The following LAMB4 variants were observed in gnomAD, a reference collection of about 807,000 sequenced individuals.
The protein encoded by LAMB4 is laminin subunit beta-4.
LAMB4 carries 196 observed loss-of-function variants against 199.2 expected under a neutral mutation model. The ratio of observed to expected loss-of-function variants is 0.98; its 90% CI spans 0.88 to 1.11. LAMB4 has a LOEUF of 1.11. LAMB4 is among the 50% of genes least tolerant of loss of function. LAMB4 has a pLI of 0.00. For synonymous variants in LAMB4, 744 were observed against 770.6 expected (o/e 0.97, Z 0.57); for missense variants, 2,080 against 2,171.2 (o/e 0.96, Z 0.83).
intron 1 of LAMB4, among the ~76,000 whole-genome samples, chr7:108,129,644 C>T (rs1171681326): frequency 6.6e-6 from 1 of 151,772 alleles, no homozygotes; most frequent in Admixed American, 6.6e-5. Flanking sequence ...CTTAAGCAGT[C>T]CTTCCATCTC....
At chr7:108,103,265 C>A in intron 9 of LAMB4, 33 bp from the exon 10 acceptor site, 2 of 1,510,236 alleles carry the variant, frequency 1.3e-6, no homozygotes, top group East Asian at 2.5e-5. Context: ...GAGAGGTAGA[C>A]TAAGGCCTCG....
chr7:108,026,689 A>T, intron 33 of LAMB4: 1 of 244,188 alleles, frequency 4.1e-6, no homozygotes, highest in Non-Finnish European at 8.2e-6. Flanking sequence ...TGGGACCCCG[A>T]CTGACACCAA....
At chr7:108,020,972 T>C (rs2034680443), downstream of LAMB4, among the ~76,000 whole-genome samples, 1 of 152,144 alleles carries the variant, frequency 6.6e-6, no homozygotes, top group African/African-American at 2.4e-5. Context: ...AACAGATGGA[T>C]GTGACTAGGA....
At chr7:108,057,968 T>C (rs760339909) in intron 23 of LAMB4, 40 bp from the exon 24 acceptor site, 6 of 1,374,278 alleles carry the variant, frequency 4.4e-6, no homozygotes, top group Non-Finnish European at 6.2e-6. Flanking sequence ...ACAAGTTTTA[T>C]GGTCTAAAAA....
In LAMB4 at chr7:108,063,814, C is replaced by A. The variant is rs139142001; in HGVS notation, c.3008G>T (p.Cys1003Phe). The A allele has an allele frequency of 3.7e-6, 6 of 1,614,206 alleles. No homozygotes were observed. Among genetic ancestry groups the A allele is most frequent in the Non-Finnish European group, 4.2e-6 (5 of 1,180,030 alleles). Residue 1003 changes from cysteine to phenylalanine, a missense_variant, in exon 22 of 34, where the codon TGC (cysteine) becomes TTC (phenylalanine). Coordinates refer to ENST00000388781, the MANE Select transcript of LAMB4 (RefSeq NM_007356.3). ...ATAGTGACCTGGTTTGCAGAGCTGG[C>A]AGTTTGCGCCCTGAGTGTTGTGCAA... ...RCLHNTQGAN[C>F]QLCKPGHYGS...
intron 14 of LAMB4, among the ~76,000 whole-genome samples, 175 bp from the exon 15 acceptor site, chr7:108,079,961 T>C (rs186114805): frequency 1.3e-5 from 2 of 152,208 alleles, no homozygotes; most frequent in Non-Finnish European, 2.9e-5. Flanking sequence ...CTGAGAATAA[T>C]GTGCTAATAC....
chr7:108,044,805 T>G (rs1383862059), intron 28 of LAMB4, among the ~76,000 whole-genome samples: 6 of 151,596 alleles, frequency 4.0e-5, no homozygotes, highest in Non-Finnish European at 5.9e-5. Context: ...ATGCCAAAAT[T>G]AGCCAGGCAT....
intron 33 of LAMB4, 86 bp downstream of exon 33, chr7:108,028,957 A>AG: frequency 7.7e-7 from 1 of 1,300,016 alleles, no homozygotes; most frequent in Non-Finnish European, 1.1e-6. Context: ...TAAAACTGTA[A>AG]GCTGACATTG....
At chr7:108,081,859 CTGT>C (rs1010427271) in intron 14 of LAMB4, among the ~76,000 whole-genome samples, 3 of 152,248 alleles carry the variant, frequency 2.0e-5, no homozygotes, top group Non-Finnish European at 4.4e-5. Flanking sequence ...AAATGGGTGG[CTGT>C]TGTTGAATGT....
At chr7:108,071,443 C>T (rs1158986437) in intron 17 of LAMB4, among the ~76,000 whole-genome samples, 2 of 152,162 alleles carry the variant, frequency 1.3e-5, no homozygotes, top group Non-Finnish European at 2.9e-5. Context: ...CTCCTGTGCA[C>T]CTGTCAGTCG....
chr7:108,050,661 A>G (rs750389981), intron 26 of LAMB4, among the ~76,000 whole-genome samples: 15 of 152,148 alleles, frequency 9.9e-5, no homozygotes, highest in Admixed American at 2.0e-4. Flanking sequence ...AGACAACCAC[A>G]CCTTATCTTT....
intron 29 of LAMB4, 36 bp from the exon 30 acceptor site, chr7:108,037,631 T>C: frequency 6.7e-7 from 1 of 1,485,224 alleles, no homozygotes; most frequent in Non-Finnish European, 9.4e-7. Flanking sequence ...TAATCATGTC[T>C]CCTTAACAAA....
At chr7:108,105,744 T>C in intron 8 of LAMB4, 73 bp downstream of exon 8, 2 of 1,264,440 alleles carry the variant, frequency 1.6e-6, no homozygotes, top group Non-Finnish European at 2.3e-6. Context: ...GTGGAGTGTC[T>C]CATCTATATA....
intron 14 of LAMB4, among the ~76,000 whole-genome samples, chr7:108,086,848 G>A (rs530630482): frequency 5.1e-4 from 78 of 152,206 alleles, no homozygotes; most frequent in Admixed American, 9.2e-4. Flanking sequence ...TCAGATTCCC[G>A]GATGTGGTAT....
the LAMB4 span, among the ~76,000 whole-genome samples, chr7:108,015,425 G>A: frequency 6.6e-6 from 1 of 152,150 alleles, no homozygotes. Flanking sequence ...TCGCAGTGAG[G>A]TGCTACCTTT....
In LAMB4 at chr7:108,066,410, G is replaced by A; in HGVS notation, c.2637C>T (p.Cys879=). Residue 879 remains cysteine, a synonymous_variant, in exon 20 of 34, where the codon TGC becomes TGT. Coordinates refer to ENST00000388781, the MANE Select transcript of LAMB4 (RefSeq NM_007356.3). ...CAGTTGTAAAGCCTCCACAATTGAA[G>A]CATGACCCTGTCTCAGGATCACAAA... The part of the protein sequence containing the change: ...AELCDPETGS[C]FNCGGFTTGR... The A allele has an allele frequency of 6.2e-7, 1 of 1,614,158 alleles. No individual in the cohort carries two copies. The highest frequency in any genetic ancestry group is 2.2e-5 in the East Asian group (1 of 44,892).
At chr7:108,104,909 A>G (rs1329883034) in intron 8 of LAMB4, among the ~76,000 whole-genome samples, 1 of 152,078 alleles carries the variant, frequency 6.6e-6, no homozygotes, top group Non-Finnish European at 1.5e-5. Context: ...AATGAGGGAC[A>G]GGATGGCTAA....
Position 108,043,895 on chromosome 7 carries a change from A to G in LAMB4, c.4328T>C (p.Ile1443Thr). The G allele has an allele frequency of 6.9e-6, 11 of 1,596,968 alleles. No homozygotes were observed. The highest frequency in any genetic ancestry group is 9.4e-6 in the Non-Finnish European group (11 of 1,174,850). Residue 1443 changes from isoleucine (I) to threonine (T), a missense_variant and splice_region_variant, in exon 29 of 34, where the codon ATC becomes ACC. Coordinates refer to ENST00000388781, the MANE Select transcript of LAMB4 (RefSeq NM_007356.3). ...TTCTGCCTGTTCACTTATACTTTCGATCTGGAATGAGAAAAACACAATGAA... is the reference window on the plus strand; with the variant it reads ...TTCTGCCTGTTCACTTATACTTTCGGTCTGGAATGAGAAAAACACAATGAA... ...DKQVRGLKNQ[I>T]ESISEQAEVS...
At chr7:108,064,924 G>A (rs1432043676) in intron 21 of LAMB4, among the ~76,000 whole-genome samples, 1 of 149,570 alleles carries the variant, frequency 6.7e-6, no homozygotes, top group Non-Finnish European at 1.5e-5. Context: ...TTAGAGACAG[G>A]GTCTTGCTCT....
Sources: gnomAD v4.1 joint callset for allele counts (sites outside exome capture counted in the v4.1 genomes callset) on GRCh38, gnomAD v4.1.1 for gene constraint, MANE v1.5 for transcripts, NCBI Gene and HGNC (gene_info 2026-07-23, HGNC 2026-07-21) for gene names.